The following ANO2 variants were observed in gnomAD, a reference collection of about 807,000 sequenced individuals.
ANO2 encodes the protein anoctamin-2.
ANO2 carries 101 observed loss-of-function variants against 124.2 expected under a neutral mutation model. The observed-to-expected ratio is 0.81, with a 90% CI of 0.69 to 0.96. The LOEUF (loss-of-function observed/expected upper bound fraction) is 0.96. Among genes scored for constraint, ANO2 ranks in the 40% least tolerant of loss-of-function variants. The pLI, the probability that ANO2 is intolerant of heterozygous loss-of-function variation, is 0.00. For missense variants in ANO2, 1,293 were observed against 1,274.5 expected (o/e 1.01, Z -0.22); for synonymous variants, 486 against 482.5 (o/e 1.01, Z -0.09).
Position 5,565,404 on chromosome 12 carries a change from C to A in ANO2, c.2727+154G>T, listed in dbSNP as rs79941600. 3.1e-3 allele frequency among the ~76,000 whole-genome samples: 470 copies of A among 152,232 alleles called. 2 individuals are homozygous for A. Among genetic ancestry groups the A allele is most frequent in the African/African-American group, 0.011 (453 of 41,528 alleles). ...TCTCAAGAGTCCTCCTGCTTCAACC[C>A]GGAAAGGAGCCCTCACTTCTGCCTG... On this transcript the variant is annotated intron_variant, in intron 24 of 24. Coordinates refer to ENST00000682330, the MANE Select transcript of ANO2 (RefSeq NM_001364791.2).
intron 13 of ANO2, among the ~76,000 whole-genome samples, chr12:5,734,736 C>T (rs1950784478): frequency 6.6e-6 from 1 of 152,042 alleles, no homozygotes; most frequent in Non-Finnish European, 1.5e-5. Context: ...AAACCTCTGC[C>T]TTCCAGGCTC....
intron 14 of ANO2, among the ~76,000 whole-genome samples, chr12:5,723,954 C>T (rs1313133128): frequency 1.3e-5 from 2 of 152,076 alleles, no homozygotes; most frequent in Non-Finnish European, 2.9e-5. Flanking sequence ...AGCACAGGGG[C>T]TTGACTCCCC....
intron 1 of ANO2, among the ~76,000 whole-genome samples, chr12:5,935,637 A>G (rs755915978): frequency 3.1e-4 from 47 of 152,214 alleles, no homozygotes; most frequent in Admixed American, 3.9e-4. Context: ...AGGGGCACAG[A>G]AGCATACAAG....
intron 16 of ANO2, among the ~76,000 whole-genome samples, chr12:5,623,126 T>A (rs756081938): frequency 6.6e-6 from 1 of 152,124 alleles, no homozygotes; most frequent in African/African-American, 2.4e-5. Context: ...TAAGACAGAC[T>A]TCTGGAGGGG....
intron 9 of ANO2, 148 bp from the exon 10 acceptor site, chr12:5,799,719 G>A (rs763107119): frequency 2.4e-5 from 17 of 708,188 alleles, no homozygotes; most frequent in African/African-American, 5.3e-5. Context: ...GTTCAGAATC[G>A]GGAGGCTATG....
At chr12:5,774,073 T>C (rs185408133) in intron 10 of ANO2, among the ~76,000 whole-genome samples, 28 of 152,304 alleles carry the variant, frequency 1.8e-4, no homozygotes, top group East Asian at 1.3e-3. Flanking sequence ...TGAGAAGAGC[T>C]TGAAGAATTC....
chr12:5,793,380 C>A (rs933787311), intron 10 of ANO2, among the ~76,000 whole-genome samples: 1 of 152,204 alleles, frequency 6.6e-6, no homozygotes, highest in Non-Finnish European at 1.5e-5. Flanking sequence ...AGCTATCCAA[C>A]TGTCTGGCCT....
chr12:5,851,946 G>T, intron 4 of ANO2: 1 of 742,536 alleles, frequency 1.3e-6, no homozygotes, highest in Admixed American at 1.8e-5. Flanking sequence ...GGGCATTAGA[G>T]TTTTGCTCAC....
chr12:5,898,535 G>A (rs1023978916), intron 3 of ANO2, among the ~76,000 whole-genome samples: 5 of 152,174 alleles, frequency 3.3e-5, no homozygotes, highest in African/African-American at 4.8e-5. Flanking sequence ...ACATTCAAAC[G>A]ATGAAATACT....
chr12:5,808,169 T>C (rs1254170798), intron 7 of ANO2, among the ~76,000 whole-genome samples: 1 of 152,222 alleles, frequency 6.6e-6, no homozygotes, highest in Admixed American at 6.5e-5. Flanking sequence ...AAGTGTGAAG[T>C]TACCCTGAGA....
At position 5,635,400 on chromosome 12, in the gene ANO2, T is replaced by C; in HGVS notation, c.1621-53A>G. The C allele has an allele frequency of 7.2e-7, 1 of 1,388,690 alleles. No homozygotes were observed. The highest frequency in any genetic ancestry group is 9.5e-7 in the Non-Finnish European group (1 of 1,049,816). 86.0% of individuals were successfully genotyped at this position (1,388,690 alleles called of 1,614,324 possible). A position where few individuals can be genotyped will look rare whatever the true frequency, so the allele number is the denominator to read the frequency against. ...CATCAGCCGGCAATTACCGAGCACC[T>C]ACTATTTGCTCTGCCAACAGTACCA... On this transcript the variant is annotated intron_variant, in intron 15 of 24. Coordinates refer to ENST00000682330, the MANE Select transcript of ANO2 (RefSeq NM_001364791.2). This position sits in a 1 kb window ranked among gnomAD's most constrained non-coding sequence, Gnocchi z 5.2.
At chr12:5,584,747 T>C (rs898194297) in intron 20 of ANO2, among the ~76,000 whole-genome samples, 7 of 152,110 alleles carry the variant, frequency 4.6e-5, no homozygotes, top group Non-Finnish European at 7.4e-5. Context: ...TACACATAAA[T>C]AGGAAAAGAC....
chr12:5,565,485 C>T, intron 24 of ANO2, 73 bp downstream of exon 24: 1 of 1,303,586 alleles, frequency 7.7e-7, no homozygotes, highest in Non-Finnish European at 1.1e-6. Flanking sequence ...GAGGTAGGTG[C>T]AAGCAATGAG....
chr12:5,683,941 G>T (rs925261296), intron 14 of ANO2, among the ~76,000 whole-genome samples: 19 of 152,224 alleles, frequency 1.2e-4, no homozygotes, highest in Middle Eastern at 3.4e-3. Context: ...TCTCTCTCTT[G>T]AGTCTACTCC....
At chr12:5,926,021 C>A (rs1408413725) in intron 1 of ANO2, among the ~76,000 whole-genome samples, 6 of 152,230 alleles carry the variant, frequency 3.9e-5, no homozygotes, top group Non-Finnish European at 1.5e-5. Flanking sequence ...TTGGATGTTT[C>A]CCAGCCCCTC....
intron 10 of ANO2, among the ~76,000 whole-genome samples, chr12:5,796,586 TGCAGGCCCCAGGTCTCCAGA>T (rs1282993619): frequency 1.3e-5 from 2 of 152,068 alleles, no homozygotes; most frequent in African/African-American, 4.8e-5. Flanking sequence ...CACTCAGGCC[TGCAGGCCCCAGGTCTCCAGA>T]GCAGAGGCAG....
chr12:5,935,165 A>G (rs949228396), intron 1 of ANO2, among the ~76,000 whole-genome samples: 1 of 152,220 alleles, frequency 6.6e-6, no homozygotes, highest in African/African-American at 2.4e-5. Flanking sequence ...TTGTATAGAC[A>G]GTGAGCTTAA....
chr12:5,777,913 G>T (rs1952277267), intron 10 of ANO2, among the ~76,000 whole-genome samples: 1 of 152,194 alleles, frequency 6.6e-6, no homozygotes, highest in South Asian at 2.1e-4. Context: ...GATGGGTAAG[G>T]TGACTCATGT....
At chr12:5,945,318 G>A (rs1422963222), upstream of ANO2, 3 of 1,045,926 alleles carry the variant, frequency 2.9e-6, no homozygotes, top group Non-Finnish European at 2.3e-6. Context: ...GTCCCGGCGC[G>A]CCCGCCCCTC....
Sources: gnomAD v4.1 joint callset for allele counts (sites outside exome capture counted in the v4.1 genomes callset) on GRCh38, gnomAD v4.1.1 for gene constraint, Gnocchi (gnomAD v3.1) non-coding constraint, MANE v1.5 for transcripts, NCBI Gene and HGNC (gene_info 2026-07-23, HGNC 2026-07-21) for gene names.